DOCK3: variants seen among roughly 807,000 people sequenced by gnomAD.
DOCK3 encodes the protein dedicator of cytokinesis protein 3.
Under a neutral mutation model 265.6 loss-of-function variants are expected in DOCK3, and 60 were observed. The ratio of observed to expected loss-of-function variants is 0.23; its 90% confidence interval spans 0.18 to 0.28. The LOEUF is 0.28. Ranked by LOEUF, DOCK3 falls within the 10% of genes least tolerant of loss-of-function variation. The probability of loss-of-function intolerance (pLI) is 1.00; values close to 1 mark genes in which losing one functional copy is unlikely to be tolerated. For missense variants in DOCK3, 1,981 were observed against 2,594.3 expected, an observed-to-expected ratio of 0.76 and a Z score of 5.14; for synonymous variants, 881 against 938.0, an observed-to-expected ratio of 0.94 and a Z score of 1.11.
intron 22 of DOCK3, among the ~76,000 whole-genome samples, chr3:51,252,201 A>G (rs2079286296): frequency 6.6e-6 from 1 of 152,114 alleles, no homozygotes. Context: ...TCAGGGCTCT[A>G]TTCTGTTCCA....
intron 5 of DOCK3, among the ~76,000 whole-genome samples, chr3:50,987,125 T>C (rs952684082): frequency 2.0e-5 from 3 of 152,246 alleles, no homozygotes; most frequent in Non-Finnish European, 4.4e-5. Context: ...ATATGTGTGT[T>C]CTTAATTACT....
intron 38 of DOCK3, among the ~76,000 whole-genome samples, chr3:51,348,352 C>T (rs1166999435): frequency 6.6e-6 from 1 of 152,200 alleles, no homozygotes; most frequent in Non-Finnish European, 1.5e-5. Context: ...GGTTTCCATA[C>T]TTGTTTCTGA....
At chr3:51,128,011 A>G (rs551885994) in intron 9 of DOCK3, among the ~76,000 whole-genome samples, 1 of 152,230 alleles carries the variant, frequency 6.6e-6, no homozygotes. Context: ...CTCAACCAAC[A>G]CTGTAACTCC....
chr3:51,212,631 C>T (rs1408923464), intron 13 of DOCK3, among the ~76,000 whole-genome samples: 1 of 152,090 alleles, frequency 6.6e-6, no homozygotes, highest in South Asian at 2.1e-4. Context: ...GCAGATATAT[C>T]CCAAGCTGTT....
intron 32 of DOCK3, among the ~76,000 whole-genome samples, chr3:51,325,229 C>A (rs989333860): frequency 2.0e-5 from 3 of 151,550 alleles, no homozygotes; most frequent in African/African-American, 7.3e-5. Context: ...AAAAAAAAAA[C>A]CCTATCAAAA....
chr3:51,256,592 T>A (rs1314160633), intron 22 of DOCK3, among the ~76,000 whole-genome samples: 2 of 144,350 alleles, frequency 1.4e-5, no homozygotes, highest in Non-Finnish European at 3.0e-5. Flanking sequence ...TTTTCGTTTT[T>A]GTTTTTTTTT....
chr3:51,377,079 C>G (rs903324555), intron 51 of DOCK3, among the ~76,000 whole-genome samples: 1 of 152,250 alleles, frequency 6.6e-6, no homozygotes, highest in Admixed American at 6.5e-5. Flanking sequence ...AGAGCTCAAA[C>G]AGGTGCTGGT....
At chr3:50,709,154 T>C (rs1042028827) in intron 1 of DOCK3, among the ~76,000 whole-genome samples, 4 of 152,218 alleles carry the variant, frequency 2.6e-5, no homozygotes, top group Non-Finnish European at 2.9e-5. Flanking sequence ...TTCAATTCTA[T>C]TTATAATAGG....
chr3:51,212,050 T>A (rs1019018960), intron 13 of DOCK3, among the ~76,000 whole-genome samples: 1 of 152,220 alleles, frequency 6.6e-6, no homozygotes, highest in Non-Finnish European at 1.5e-5. Flanking sequence ...TTATTTGGTA[T>A]GTGCTTCAGT....
At chr3:51,163,572 G>A (rs1273346292) in intron 12 of DOCK3, among the ~76,000 whole-genome samples, 1 of 152,080 alleles carries the variant, frequency 6.6e-6, no homozygotes, top group East Asian at 1.9e-4. Context: ...CAGGCACAGG[G>A]CATGCTGTAC....
chr3:51,126,247 T>C (rs2084260381), intron 9 of DOCK3, among the ~76,000 whole-genome samples: 1 of 152,182 alleles, frequency 6.6e-6, no homozygotes, highest in African/African-American at 2.4e-5. Context: ...GGGTTACTCT[T>C]GGGAAGTCGC....
intron 1 of DOCK3, among the ~76,000 whole-genome samples, chr3:50,703,259 G>A (rs1043194866): frequency 6.6e-6 from 1 of 152,036 alleles, no homozygotes; most frequent in African/African-American, 2.4e-5. Context: ...ATTTTGTTGA[G>A]GATTTTTGCA....
intron 9 of DOCK3, among the ~76,000 whole-genome samples, chr3:51,118,152 A>G (rs913831519): frequency 2.6e-5 from 4 of 152,072 alleles, no homozygotes; most frequent in Non-Finnish European, 5.9e-5. Flanking sequence ...ATTCTGGTAC[A>G]TTGTATCTTT....
rs530927455 is a variant in DOCK3, at chr3:51,152,086, G to A, written c.828+5456G>A. On this transcript the variant is annotated intron_variant, in intron 10 of 52. Transcript: ENST00000266037. ...GTTCTCCTGGATAATATCCTGCAGAGTGTTTTCCAGCTTGGTTCCATTCTC... is the reference window on the plus strand; with the variant it reads ...GTTCTCCTGGATAATATCCTGCAGAATGTTTTCCAGCTTGGTTCCATTCTC... Among the ~76,000 whole-genome samples, 264 of 152,284 alleles carry A rather than the reference G, an allele frequency of 1.7e-3. 2 individuals carry two copies. The highest frequency in any genetic ancestry group is 6.0e-3 in the African/African-American group (250 of 41,548).
intron 1 of DOCK3, among the ~76,000 whole-genome samples, chr3:50,761,851 A>G (rs547090028): frequency 1.1e-4 from 17 of 152,334 alleles, no homozygotes; most frequent in African/African-American, 4.1e-4. Context: ...AAGACTTGGA[A>G]CCAACCAAAT....
chr3:51,354,220 A>ACCCCCCC (rs144722987), intron 40 of DOCK3, among the ~76,000 whole-genome samples: 2 of 129,364 alleles, frequency 1.5e-5, no homozygotes, highest in African/African-American at 5.8e-5. Flanking sequence ...CTTGATCACC[A>ACCCCCCC]CCCCCCCCCC....
chr3:51,355,244 AG>A (rs2086285733), intron 41 of DOCK3, among the ~76,000 whole-genome samples: 1 of 152,234 alleles, frequency 6.6e-6, no homozygotes, highest in Non-Finnish European at 1.5e-5. Flanking sequence ...TCTAGTTATC[AG>A]TGGGGCTTCA....
At chr3:51,179,740 C>G (rs931370251) in intron 12 of DOCK3, among the ~76,000 whole-genome samples, 1 of 151,334 alleles carries the variant, frequency 6.6e-6, no homozygotes, top group Non-Finnish European at 1.5e-5. Flanking sequence ...GTGAGGATCC[C>G]CATCTCTACA....
intron 3 of DOCK3, among the ~76,000 whole-genome samples, chr3:50,882,427 T>C (rs1022828116): frequency 1.3e-5 from 2 of 151,560 alleles, no homozygotes; most frequent in African/African-American, 4.8e-5. Context: ...CAAGAAAAAA[T>C]CAAACAACCC....
Sources: allele counts gnomAD v4.1 joint callset (sites outside exome capture counted in the v4.1 genomes callset), GRCh38; gene constraint gnomAD v4.1.1; transcripts MANE v1.5; gene names NCBI Gene and HGNC (gene_info 2026-07-23, HGNC 2026-07-21).